Variants in UVRAG observed in about 807,000 individuals in gnomAD.
The protein encoded by UVRAG is UV radiation resistance-associated gene protein.
Under a neutral mutation model 78.0 loss-of-function variants are expected in UVRAG, and 19 were observed. The observed-to-expected ratio is 0.24, with a 90% CI of 0.17 to 0.36. UVRAG has a LOEUF of 0.36. Among genes scored for constraint, UVRAG ranks in the 10% least tolerant of loss-of-function variants. The pLI, the probability that UVRAG is intolerant of heterozygous loss-of-function variation, is 1.00. For missense variants in UVRAG, 740 were observed against 853.8 expected (o/e 0.87, Z 1.66); for synonymous variants, 323 against 324.6 (o/e 1.00, Z 0.05).
intron 6 of UVRAG, among the ~76,000 whole-genome samples, chr11:75,950,562 A>T (rs1359190488): frequency 2.6e-5 from 4 of 152,070 alleles, no homozygotes; most frequent in Non-Finnish European, 4.4e-5. Flanking sequence ...CCCACATTAT[A>T]CCTGAGAGTG....
chr11:75,836,159 A>G (rs140115567), intron 1 of UVRAG, among the ~76,000 whole-genome samples: 1 of 152,244 alleles, frequency 6.6e-6, no homozygotes, highest in African/African-American at 2.4e-5. Flanking sequence ...AGAACCAGAA[A>G]GGACCTTGAA....
chr11:75,918,536 C>T lies in UVRAG; in HGVS notation c.593+6497C>T, dbSNP rs539284398. The stretch of plus-strand genomic sequence containing the variant: ...GGGACCAAGGTCTTTATTTCAAAGT[C>T]CTCCCACTCCCTACTTGTATAATCA... On this transcript the variant is annotated intron_variant, in intron 6 of 14. Coordinates refer to ENST00000356136, the MANE Select transcript of UVRAG (RefSeq NM_003369.4). Among the ~76,000 whole-genome samples the T allele has an allele frequency of 9.6e-4, 146 of 152,216 alleles. 3 individuals are homozygous for T. Among genetic ancestry groups the T allele is most frequent in the Non-Finnish European group, 1.8e-3 (123 of 68,020 alleles).
intron 11 of UVRAG, 132 bp downstream of exon 11, chr11:76,008,999 G>A: frequency 4.0e-6 from 2 of 499,956 alleles, no homozygotes; most frequent in Non-Finnish European, 7.2e-6. Context: ...TTGCAAGTAT[G>A]TATATCAGAC....
At chr11:75,924,098 A>G (rs910362479) in intron 6 of UVRAG, among the ~76,000 whole-genome samples, 3 of 152,244 alleles carry the variant, frequency 2.0e-5, no homozygotes, top group African/African-American at 7.2e-5. Context: ...TTCCTAGCAT[A>G]TAGCACCAAG....
chr11:75,838,071 T>C (rs762359498), intron 1 of UVRAG, among the ~76,000 whole-genome samples: 6 of 152,272 alleles, frequency 3.9e-5, no homozygotes, highest in Non-Finnish European at 7.4e-5. Flanking sequence ...ACACACTGAC[T>C]GTATAAACTG....
rs565184205 is a variant in UVRAG at position 75,862,023 on chromosome 11, A to G, written c.270+243A>G. ...TGGGTGTAGCACACCGACATGGCAC[A>G]TGTATACGTATGTAACAAACTGGCA... On this transcript the variant is annotated intron_variant, in intron 3 of 14. Transcript: ENST00000356136. Among the ~76,000 whole-genome samples the G allele has an allele frequency of 4.6e-5, 7 of 152,344 alleles. No individual in the cohort carries two copies. In the South Asian group the frequency reaches 1.4e-3, roughly 32 times the overall value.
At chr11:75,985,638 T>C (rs1020202376) in intron 8 of UVRAG, among the ~76,000 whole-genome samples, 2 of 152,182 alleles carry the variant, frequency 1.3e-5, no homozygotes, top group African/African-American at 2.4e-5. Context: ...TTCTATGTGT[T>C]CTTTAAAATA....
intron 3 of UVRAG, among the ~76,000 whole-genome samples, chr11:75,863,228 A>G (rs1946460385): frequency 6.6e-6 from 1 of 152,248 alleles, no homozygotes; most frequent in African/African-American, 2.4e-5. Context: ...GGTTCTACGT[A>G]TATTATATGA....
chr11:75,985,658 T>C (rs1335957728), intron 8 of UVRAG, among the ~76,000 whole-genome samples: 3 of 152,158 alleles, frequency 2.0e-5, no homozygotes. Flanking sequence ...ACTTTACTAT[T>C]TTACTTCTTA....
intron 7 of UVRAG, among the ~76,000 whole-genome samples, chr11:75,971,079 C>T (rs918856113): frequency 2.0e-5 from 3 of 152,250 alleles, no homozygotes; most frequent in Non-Finnish European, 2.9e-5. Flanking sequence ...TTACCTTTTC[C>T]ATGATTTCAT....
intron 13 of UVRAG, among the ~76,000 whole-genome samples, chr11:76,093,894 T>C (rs1265443996): frequency 6.6e-6 from 1 of 152,204 alleles, no homozygotes; most frequent in Non-Finnish European, 1.5e-5. Context: ...TCTAACACTA[T>C]ATTGAATAGG....
chr11:75,926,424 T>TC (rs1948106384), intron 6 of UVRAG, among the ~76,000 whole-genome samples: 1 of 152,196 alleles, frequency 6.6e-6, no homozygotes, highest in African/African-American at 2.4e-5. Flanking sequence ...ATTTTTCTGT[T>TC]CCCGAGATTC....
chr11:75,982,350 A>G (rs545672050), intron 7 of UVRAG, among the ~76,000 whole-genome samples: 100 of 152,296 alleles, frequency 6.6e-4, no homozygotes, highest in African/African-American at 2.2e-3. Context: ...TAGGCCTCCA[A>G]TGATAAATTC....
chr11:75,873,305 T>A (rs1380148973), intron 3 of UVRAG, among the ~76,000 whole-genome samples: 1 of 152,182 alleles, frequency 6.6e-6, no homozygotes, highest in Non-Finnish European at 1.5e-5. Context: ...CCCAAAGTGA[T>A]TAGGTCTTGT....
At chr11:76,019,032 T>C (rs374891431) in intron 12 of UVRAG, among the ~76,000 whole-genome samples, 43 of 152,324 alleles carry the variant, frequency 2.8e-4, no homozygotes, top group African/African-American at 1.0e-3. Context: ...TATTCTTTTT[T>C]CTTTTGTCTC....
intron 12 of UVRAG, among the ~76,000 whole-genome samples, chr11:76,043,239 T>TA (rs920455778): frequency 4.6e-5 from 7 of 152,142 alleles, no homozygotes; most frequent in Non-Finnish European, 7.4e-5. Context: ...TAATTTTTTT[T>TA]AAAAAAAGGA....
chr11:75,887,773 G>A (rs532633968), intron 4 of UVRAG, among the ~76,000 whole-genome samples: 62 of 152,006 alleles, frequency 4.1e-4, no homozygotes, highest in African/African-American at 1.5e-3. Flanking sequence ...TAGTAGAGAC[G>A]GGGTTTCGCC....
intron 12 of UVRAG, among the ~76,000 whole-genome samples, chr11:76,063,524 AAAG>A (rs1221314170): frequency 5.3e-5 from 8 of 152,226 alleles, no homozygotes; most frequent in Non-Finnish European, 1.0e-4. Context: ...CTATTTATAG[AAAG>A]AGCTACAAGG....
chr11:75,969,858 C>A (rs758180029), intron 7 of UVRAG, among the ~76,000 whole-genome samples: 6 of 152,186 alleles, frequency 3.9e-5, no homozygotes, highest in Admixed American at 2.0e-4. Context: ...AGTTCCCACG[C>A]TTCCTCATTG....
Sources: gnomAD v4.1 joint callset for allele counts (sites outside exome capture counted in the v4.1 genomes callset) on GRCh38, gnomAD v4.1.1 for gene constraint, MANE v1.5 for transcripts, NCBI Gene and HGNC (gene_info 2026-07-23, HGNC 2026-07-21) for gene names.